UNC13D: variants seen among roughly 807,000 people sequenced by gnomAD.
The protein encoded by UNC13D is protein unc-13 homolog D.
Under a neutral mutation model 151.7 loss-of-function variants are expected in UNC13D, and 115 were observed. The observed-to-expected ratio is 0.76, with a 90% CI of 0.65 to 0.88. UNC13D has a LOEUF of 0.88. UNC13D is among the 40% of genes least tolerant of loss of function. The probability of loss-of-function intolerance (pLI) is 0.00; values close to 1 mark genes in which losing one functional copy is unlikely to be tolerated. For synonymous variants in UNC13D, 588 were observed against 612.2 expected (o/e 0.96, Z 0.58); for missense variants, 1,369 against 1,438.7 (o/e 0.95, Z 0.78).
chr17:75,844,225 G>A lies in UNC13D; in HGVS notation c.113C>T (p.Pro38Leu), dbSNP rs202020609. Residue 38 changes from proline to leucine, a missense_variant, in exon 1 of 32, where the codon CCG becomes CTG. Transcript: ENST00000207549. ...CCCCAGTGAGGTCACTCCTACCTCCGGGGCCATTTGGGGCGGGGGATCCTG... is the reference window on the plus strand; with the variant it reads ...CCCCAGTGAGGTCACTCCTACCTCCAGGGCCATTTGGGGCGGGGGATCCTG... The part of the protein sequence containing the change: ...DLQDPPPQMA[P>L]EIQPPSHHFS... 16 of 1,611,490 alleles carry A rather than the reference G, an allele frequency of 9.9e-6. No individual in the cohort carries two copies. Among genetic ancestry groups the A allele is most frequent in the Middle Eastern group, 1.6e-4 (1 of 6,078 alleles).
intron 28 of UNC13D, 23 bp from the exon 29 acceptor site, chr17:75,830,505 G>T (rs1311826021): frequency 3.1e-6 from 5 of 1,588,290 alleles, no homozygotes; most frequent in Non-Finnish European, 4.3e-6. Context: ...GCAGGGGCAG[G>T]GTCAGCAGGG....
rs762755414 is a variant in UNC13D, at chr17:75,844,239, C to CG, written c.98dup (p.Pro34AlafsTer38). 3 of 1,612,114 alleles carry CG rather than the reference C, an allele frequency of 1.9e-6. No homozygotes were observed. Among genetic ancestry groups the CG allele is most frequent in the Non-Finnish European group, 2.5e-6 (3 of 1,179,940 alleles). ...CTCCTACCTCCGGGGCCATTTGGGG[C>CG]GGGGGATCCTGTAGATCTCTGACTC... On this transcript the variant is annotated frameshift_variant, in exon 1 of 32. Coordinates refer to ENST00000207549, the MANE Select transcript of UNC13D (RefSeq NM_199242.3). LOFTEE classifies it high-confidence loss of function.
chr17:75,833,920 G>A lies in UNC13D; in HGVS notation c.2367+155C>T, dbSNP rs958231225. ...GACAGCCAGTGGAGTGACCCAACCC[G>A]TTCCTGTGAGCATCCCAGGAGGAAA... On this transcript the variant is annotated intron_variant, in intron 24 of 31. Transcript: ENST00000207549. The surrounding 1 kb of genome is among the most constrained non-coding windows in gnomAD (Gnocchi z 4.0). 1.3e-5 allele frequency among the ~76,000 whole-genome samples: 2 copies of A among 152,130 alleles called. No individual in the cohort carries two copies. The highest frequency in any genetic ancestry group is 2.4e-5 in the African/African-American group (1 of 41,420).
At chr17:75,844,149 C>T in intron 1 of UNC13D, 72 bp downstream of exon 1, 1 of 1,576,668 alleles carries the variant, frequency 6.3e-7, no homozygotes, top group Non-Finnish European at 8.6e-7. Context: ...TGGGGCCAGA[C>T]AGCAGGGCAC....
Position 75,828,963 on chromosome 17 carries a change from C to G in UNC13D, c.2975G>C (p.Cys992Ser), listed in dbSNP as rs1195970527. Residue 992 changes from cysteine to serine, a missense_variant, in exon 31 of 32, where the codon TGC becomes TCC. Transcript: ENST00000207549. ...CAGGAGGCATGCCCCAGCCTTGCGGCACGGCTCAGCAGGCACCAGGCTGCG... is the reference window on the plus strand; with the variant it reads ...CAGGAGGCATGCCCCAGCCTTGCGGGACGGCTCAGCAGGCACCAGGCTGCG... ...TFEFLVPAEP[C>S]RKAGACLLLT... 6.2e-7 allele frequency: 1 copy of G among 1,604,356 alleles called. No homozygotes were observed. The highest frequency in any genetic ancestry group is 1.7e-5 in the Admixed American group (1 of 59,972).
intron 6 of UNC13D, 133 bp from the exon 7 acceptor site, chr17:75,841,134 CCTTT>C (rs1288618982): frequency 6.9e-6 from 4 of 577,080 alleles, no homozygotes; most frequent in African/African-American, 2.4e-5. Flanking sequence ...CAGCCGCATC[CCTTT>C]TTTTTTTTTT....
At chr17:75,839,036 C>A (rs2064929342) in intron 12 of UNC13D, among the ~76,000 whole-genome samples, 1 of 148,832 alleles carries the variant, frequency 6.7e-6, no homozygotes, top group African/African-American at 2.5e-5. Flanking sequence ...GGAGGCGGAG[C>A]CTGCAGTGAG....
At position 75,842,425 on chromosome 17, in the gene UNC13D, C is replaced by T; in HGVS notation, c.569+8G>A. 1.2e-6 allele frequency: 2 copies of T among 1,608,808 alleles called. No homozygotes were observed. Among genetic ancestry groups the T allele is most frequent in the Non-Finnish European group, 8.5e-7 (1 of 1,176,660 alleles). ...GGATAGAGTGGGGGCTGGAGCACGGCCACGTACAGGATGAAGGTCTCGTCC... is the reference window on the plus strand; with the variant it reads ...GGATAGAGTGGGGGCTGGAGCACGGTCACGTACAGGATGAAGGTCTCGTCC... On this transcript the variant is annotated splice_region_variant and intron_variant, in intron 6 of 31. Coordinates refer to ENST00000207549, the MANE Select transcript of UNC13D (RefSeq NM_199242.3).
In UNC13D at chr17:75,844,207, G is replaced by A; in HGVS notation, c.117+14C>T. On this transcript the variant is annotated intron_variant, in intron 1 of 31. Coordinates refer to ENST00000207549, the MANE Select transcript of UNC13D (RefSeq NM_199242.3). ...CCCCAAGGCCAGCTCTCTCCCCAGT[G>A]AGGTCACTCCTACCTCCGGGGCCAT... The A allele has an allele frequency of 1.9e-6, 3 of 1,610,120 alleles. No homozygotes were observed. Among genetic ancestry groups the A allele is most frequent in the Non-Finnish European group, 2.5e-6 (3 of 1,179,716 alleles).
In UNC13D at chr17:75,843,192, C is replaced by T. The variant is rs747513643; in HGVS notation, c.228G>A (p.Thr76=). ...GGTATCGCAGCAGCTCAGAGGCCTC[C>T]GTCACATGGTTGGGCTCAGGATGAC... The part of the protein sequence containing the change: ...RLGHPEPNHV[T]EASELLRYLQ... Residue 76 remains threonine, a synonymous_variant, in exon 3 of 32, where the codon ACG becomes ACA. Transcript: ENST00000207549. 3.8e-5 allele frequency: 61 copies of T among 1,612,120 alleles called. 1 individual carries two copies. The highest frequency in any genetic ancestry group is 5.3e-5 in the African/African-American group (4 of 74,884).
intron 30 of UNC13D, 104 bp from the exon 31 acceptor site, chr17:75,829,087 T>G: frequency 7.1e-7 from 1 of 1,410,256 alleles, no homozygotes; most frequent in Admixed American, 2.1e-5. Flanking sequence ...GGGTTTGGAC[T>G]GCAAAGCCAG....
chr17:75,835,515 G>A lies in UNC13D; in HGVS notation c.1742C>T (p.Ala581Val), dbSNP rs2064901774. 6.2e-7 allele frequency: 1 copy of A among 1,606,282 alleles called. No homozygotes were observed. Among genetic ancestry groups the A allele is most frequent in the South Asian group, 1.1e-5 (1 of 90,270 alleles). The change falls in exon 20 of 32, where the codon GCC becomes GTC. Residue 581 changes from alanine (A) to valine (V), a missense_variant. Physicochemically the swap from Ala to Val is moderately conservative, Grantham distance 64 (BLOSUM62 0). This residue lies in a region of UNC13D where 807 missense variants were observed against 795.5 expected (regional missense o/e 1.01). Transcript: ENST00000207549. ...GAACCAGCGGTGGAAATTATCCAGG[G>A]CCAGGACTCCATCCCTGGGGATTGC... Reference protein sequence around the residue: ...MSSSERDGVLALDNFHRWFQP... With the variant: ...MSSSERDGVLVLDNFHRWFQP...
chr17:75,843,091 G>A lies in UNC13D; in HGVS notation c.262-18C>T, dbSNP rs374868516. On this transcript the variant is annotated intron_variant, in intron 3 of 31. Transcript: ENST00000207549. ...TGGAAGGCCTGGTGGGGAGGCAGGC[G>A]GGTGGGTGGCTGGGGGCACCAGACA... is the stretch of plus-strand genomic sequence containing the variant. The A allele has an allele frequency of 2.2e-5, 35 of 1,604,142 alleles. No individual in the cohort carries two copies. Among genetic ancestry groups the A allele is most frequent in the Admixed American group, 3.3e-5 (2 of 59,830 alleles).
At position 75,831,232 on chromosome 17, in the gene UNC13D, G is replaced by A. The variant is rs774613615; in HGVS notation, c.2553+11C>T. The A allele has an allele frequency of 8.7e-5, 140 of 1,613,982 alleles. No individual in the cohort carries two copies. Among genetic ancestry groups the A allele is most frequent in the Non-Finnish European group, 1.1e-4 (135 of 1,180,026 alleles). Reference sequence around the variant, plus strand: ...CACCAGGGTTATCATTGCTGTGACCGGTTCTGTTACCTGCAGGGCAATCTT... The same window carrying A: ...CACCAGGGTTATCATTGCTGTGACCAGTTCTGTTACCTGCAGGGCAATCTT... On this transcript the variant is annotated intron_variant, in intron 26 of 31. Transcript: ENST00000207549.
In UNC13D at chr17:75,836,892, T is replaced by C. The variant is rs1375824403; in HGVS notation, c.1082A>G (p.Tyr361Cys). Residue 361 changes from tyrosine (Y) to cysteine (C), a missense_variant, in exon 13 of 32, where the codon TAC (tyrosine) becomes TGC (cysteine). Tyr to Cys is a radical substitution (Grantham distance 194). This residue lies in a region of UNC13D where 550 missense variants were observed against 609.0 expected (regional missense o/e 0.90). Transcript: ENST00000207549. ...GCTGCTGGGGAACTCCAGGCTCTGG[T>C]AGAGGCGGCTGTAGGCCAGCCACTG... ...MAQWLAYSRL[Y>C]QSLEFPSSCL... 6.2e-7 allele frequency: 1 copy of C among 1,613,224 alleles called. No individual in the cohort carries two copies. The highest frequency in any genetic ancestry group is 8.5e-7 in the Non-Finnish European group (1 of 1,179,992).
Position 75,840,420 on chromosome 17 carries a change from T to A in UNC13D, c.753+87A>T, listed in dbSNP as rs1031591407. 5.6e-6 allele frequency: 9 copies of A among 1,606,316 alleles called. No individual in the cohort carries two copies. The highest frequency in any genetic ancestry group is 1.7e-4 in the Middle Eastern group (1 of 5,930). On this transcript the variant is annotated intron_variant, in intron 9 of 31. Coordinates refer to ENST00000207549, the MANE Select transcript of UNC13D (RefSeq NM_199242.3). The surrounding 1 kb of genome is among the most constrained non-coding windows in gnomAD (Gnocchi z 4.6). Reference sequence around the variant, plus strand: ...CAGGAGGTGGACCCCAGGCTCAGCTTTGTGAGGACACAGAGCCTCTCCCCA... The same window carrying A: ...CAGGAGGTGGACCCCAGGCTCAGCTATGTGAGGACACAGAGCCTCTCCCCA...
rs1438703769 is a variant in UNC13D at position 75,835,718 on chromosome 17, C to T, written c.1656G>A (p.Met552Ile). 1.2e-6 allele frequency: 2 copies of T among 1,613,738 alleles called. No homozygotes were observed. The highest frequency in any genetic ancestry group is 1.3e-5 in the African/African-American group (1 of 75,062). Residue 552 changes from methionine (M) to isoleucine (I), a missense_variant, in exon 19 of 32, where the codon ATG becomes ATA. Coordinates refer to ENST00000207549, the MANE Select transcript of UNC13D (RefSeq NM_199242.3). ...TGTAGAGCTGGAACAGACTCTCGCC[C>T]ATCTCTGGGGACACTACATCACCCA... is the stretch of plus-strand genomic sequence containing the variant. ...TVVGDVVSPE[M>I]GESLFQLYIS...
chr17:75,836,818 G>A lies in UNC13D; in HGVS notation c.1156C>T (p.Arg386Trp), dbSNP rs536336944. ...ATGCCTACCTGTTCTGCCTTGAGCCGACCCTGGATCCACTGGTACTCGATG... is the reference window on the plus strand; with the variant it reads ...ATGCCTACCTGTTCTGCCTTGAGCCAACCCTGGATCCACTGGTACTCGATG... ...TSIEYQWIQG[R>W]LKAEQQEELA... Residue 386 changes from arginine (R) to tryptophan (W), a missense_variant, in exon 13 of 32, where the codon CGG becomes TGG. Coordinates refer to ENST00000207549, the MANE Select transcript of UNC13D (RefSeq NM_199242.3). 178 of 1,613,786 alleles carry A rather than the reference G, an allele frequency of 1.1e-4. 1 individual carries two copies. Among genetic ancestry groups the A allele is most frequent in the Admixed American group, 1.3e-4 (8 of 60,010 alleles).
rs897617564 is a variant in UNC13D at position 75,832,835 on chromosome 17, G to C, written c.2447+131C>G. 1.2e-6 allele frequency: 1 copy of C among 801,334 alleles called. No homozygotes were observed. The highest frequency in any genetic ancestry group is 2.2e-5 in the Admixed American group (1 of 45,920). The allele number at this position is 801,334 out of a possible 1,614,324, so 49.6% of individuals were successfully genotyped here. A position where few individuals can be genotyped will look rare whatever the true frequency, so the allele number is the denominator to read the frequency against. ...GAAAGAGGGGCCGTGGGAGGAGAGG[G>C]GGAGGTGGCGAGCGCGCCCAGGGCA... is the stretch of plus-strand genomic sequence containing the variant. On this transcript the variant is annotated intron_variant, in intron 25 of 31. Coordinates refer to ENST00000207549, the MANE Select transcript of UNC13D (RefSeq NM_199242.3). The surrounding 1 kb of genome is among the most constrained non-coding windows in gnomAD (Gnocchi z 4.3).
Sources: gnomAD v4.1 joint callset for allele counts (sites outside exome capture counted in the v4.1 genomes callset) on GRCh38, gnomAD v4.1.1 for gene constraint, gnomAD v4.1.1 regional missense constraint, Gnocchi (gnomAD v3.1) non-coding constraint, MANE v1.5 for transcripts, NCBI Gene and HGNC (gene_info 2026-07-23, HGNC 2026-07-21) for gene names.